The following C2CD2 variants were observed in gnomAD, a reference collection of about 807,000 sequenced individuals.
The protein encoded by C2CD2 is C2 calcium dependent domain containing 2.
In C2CD2, 43 loss-of-function variants were observed where a neutral mutation model predicts 74.3. The ratio of observed to expected loss-of-function variants is 0.58; its 90% CI spans 0.45 to 0.75. The LOEUF (loss-of-function observed/expected upper bound fraction) is 0.75, where lower values mean the gene tolerates loss of function less well. Ranked by LOEUF, C2CD2 falls within the 30% of genes least tolerant of loss-of-function variation. C2CD2 has a pLI of 0.00. For missense variants in C2CD2, 801 were observed against 916.3 expected (o/e 0.87, Z 1.63); for synonymous variants, 422 against 390.7 (o/e 1.08, Z -0.94).
chr21:41,907,313 C>T, intron 9 of C2CD2, 147 bp from the exon 10 acceptor site: 1 of 707,042 alleles, frequency 1.4e-6, no homozygotes, highest in Non-Finnish European at 2.4e-6. Context: ...CCTGGATATT[C>T]CCAGAATGGA....
In C2CD2 at chr21:41,892,342, C is replaced by A. The variant is rs2064764630; in HGVS notation, c.1871-2998G>T. On this transcript the variant is annotated intron_variant, in intron 13 of 13. Transcript: ENST00000380486. The surrounding 1 kb of genome is among the most constrained non-coding windows in gnomAD (Gnocchi z 4.6). ...CTCAGAAAGGGTGGCCCTGCTAGCA[C>A]CAGCAGCTCAGACTTCCAGCCTCCA... Among the ~76,000 whole-genome samples the A allele has an allele frequency of 6.6e-6, 1 of 152,134 alleles. No individual in the cohort carries two copies. Among genetic ancestry groups the A allele is most frequent in the South Asian group, 2.1e-4 (1 of 4,820 alleles).
intron 1 of C2CD2, among the ~76,000 whole-genome samples, chr21:41,943,938 C>G (rs555400102): frequency 6.6e-6 from 1 of 152,284 alleles, no homozygotes; most frequent in East Asian, 1.9e-4. Flanking sequence ...GACCTGCTGG[C>G]CAGGGCCACG....
intron 1 of C2CD2, chr21:41,952,853 GCCTCGGTA>G (rs1569086558): frequency 1.3e-5 from 2 of 152,676 alleles, no homozygotes; most frequent in African/African-American, 4.8e-5. Flanking sequence ...CGCACCGAAA[GCCTCGGTA>G]GGATGTCTGC....
chr21:41,905,315 T>C (rs960254464), intron 11 of C2CD2, among the ~76,000 whole-genome samples: 186 of 123,506 alleles, frequency 1.5e-3, no homozygotes, highest in South Asian at 0.012. Context: ...CAAAACTTTT[T>C]TTTTTTTTTT....
rs780405863 is a variant in C2CD2, at chr21:41,907,104, T to G, written c.1206A>C (p.Ala402=). The change falls in exon 10 of 14, where the codon GCA becomes GCC. Residue 402 remains alanine, a synonymous_variant. Coordinates refer to ENST00000380486, the MANE Select transcript of C2CD2 (RefSeq NM_015500.2). The stretch of plus-strand genomic sequence containing the variant: ...TCACCGTGCGGTCCTTTTCTATTTT[T>G]GCAGCAGGAACAGGGGGAGGGATGG... ...SWPIPPPVPA[A]KIEKDRTVMP... 5 of 1,614,092 alleles carry G rather than the reference T, an allele frequency of 3.1e-6. No individual in the cohort carries two copies. The Admixed American group carries it at 8.3e-5, about 27-fold the overall frequency.
At chr21:41,894,881 G>C in intron 13 of C2CD2, 1 of 456,760 alleles carries the variant, frequency 2.2e-6, no homozygotes, top group South Asian at 1.5e-5. Flanking sequence ...TCAAGGCTGA[G>C]ACAGGAGCAC....
chr21:41,905,952 G>A, intron 10 of C2CD2, 115 bp from the exon 11 acceptor site: 1 of 717,532 alleles, frequency 1.4e-6, no homozygotes, highest in East Asian at 2.6e-5. Context: ...GTTGGTAAAG[G>A]CAAAGCTTAA....
chr21:41,904,546 A>G (rs774052259), intron 11 of C2CD2, among the ~76,000 whole-genome samples: 4 of 152,184 alleles, frequency 2.6e-5, no homozygotes, highest in Non-Finnish European at 5.9e-5. Context: ...TGGGGTCTAG[A>G]TCAAGATCCT....
rs916788738 is a variant in C2CD2 at position 41,885,622 on chromosome 21, C to T, written c.*3502G>A. The T allele has an allele frequency of 6.6e-6, 1 of 152,636 alleles. No homozygotes were observed. The highest frequency in any genetic ancestry group is 2.1e-4 in the South Asian group (1 of 4,830). The allele number at this position is 152,636 out of a possible 1,614,324, so 9.5% of individuals were successfully genotyped here. On this transcript the variant is annotated 3_prime_UTR_variant, in exon 14 of 14. Coordinates refer to ENST00000380486, the MANE Select transcript of C2CD2 (RefSeq NM_015500.2). ...TACGCCAGCCCCGAGGTCTGTTTTC[C>T]GTCAGACAGAGATACGTGTCCTGCC...
At chr21:41,922,237 C>T (rs1300300773) in intron 2 of C2CD2, 152 bp from the exon 3 acceptor site, 11 of 584,562 alleles carry the variant, frequency 1.9e-5, no homozygotes, top group Non-Finnish European at 3.4e-5. Flanking sequence ...CAGCTCACTG[C>T]AACCTCCACC....
At chr21:41,938,147 G>C (rs1020731899) in intron 2 of C2CD2, among the ~76,000 whole-genome samples, 17 of 151,120 alleles carry the variant, frequency 1.1e-4, no homozygotes, top group Non-Finnish European at 1.6e-4. Context: ...CTGTATGTTA[G>C]ATTTAGCCAT....
At chr21:41,941,916 C>T (rs1383439465) in intron 2 of C2CD2, among the ~76,000 whole-genome samples, 4 of 152,150 alleles carry the variant, frequency 2.6e-5, no homozygotes, top group African/African-American at 7.2e-5. Flanking sequence ...AGGGTTCATC[C>T]GCACCGGAGC....
rs1045888273 is a variant in C2CD2 at position 41,923,329 on chromosome 21, T to C, written c.379-1244A>G. Among the ~76,000 whole-genome samples, 1 of 152,222 alleles carries C rather than the reference T, an allele frequency of 6.6e-6. No individual in the cohort carries two copies. Among genetic ancestry groups the C allele is most frequent in the Non-Finnish European group, 1.5e-5 (1 of 68,040 alleles). ...TTTCTTTAAATATCATCTTGTTCTATTTCTCCACAATAGCTGATTTTTAAT... is the reference window on the plus strand; with the variant it reads ...TTTCTTTAAATATCATCTTGTTCTACTTCTCCACAATAGCTGATTTTTAAT... On this transcript the variant is annotated intron_variant, in intron 2 of 13. Coordinates refer to ENST00000380486, the MANE Select transcript of C2CD2 (RefSeq NM_015500.2). This position sits in a 1 kb window ranked among gnomAD's most constrained non-coding sequence, Gnocchi z 5.8.
intron 5 of C2CD2, among the ~76,000 whole-genome samples, chr21:41,917,253 C>T (rs967768213): frequency 2.6e-5 from 4 of 152,216 alleles, no homozygotes; most frequent in Non-Finnish European, 5.9e-5. Flanking sequence ...TACCTACTGA[C>T]AGCTGGTGAC....
chr21:41,944,677 G>C (rs2065384618), intron 1 of C2CD2, among the ~76,000 whole-genome samples: 2 of 152,114 alleles, frequency 1.3e-5, no homozygotes, highest in African/African-American at 4.8e-5. Flanking sequence ...GTGCCTGCCT[G>C]CCACACACAA....
chr21:41,953,781 C>G lies in C2CD2; in HGVS notation c.-133G>C, dbSNP rs1173235505. Reference sequence around the variant, plus strand: ...GGGGCGCGGCGGGGTCGGAGCCCGGCGAGGAGCGTGGCCGGGGGCCTCTGG... The same window carrying G: ...GGGGCGCGGCGGGGTCGGAGCCCGGGGAGGAGCGTGGCCGGGGGCCTCTGG... On this transcript the variant is annotated 5_prime_UTR_variant, in exon 1 of 14. Coordinates refer to ENST00000380486, the MANE Select transcript of C2CD2 (RefSeq NM_015500.2). 2.4e-6 allele frequency: 2 copies of G among 846,446 alleles called. No individual in the cohort carries two copies. The highest frequency in any genetic ancestry group is 3.6e-5 in the African/African-American group (2 of 56,148). The allele number at this position is 846,446 out of a possible 1,614,324, so 52.4% of individuals were successfully genotyped here.
At chr21:41,917,987 A>G in intron 5 of C2CD2, 118 bp downstream of exon 5, 1 of 1,209,132 alleles carries the variant, frequency 8.3e-7, no homozygotes, top group Non-Finnish European at 1.2e-6. Flanking sequence ...CACCCGAGCC[A>G]TCTTGGCTCT....
chr21:41,886,757 G>A lies in C2CD2; in HGVS notation c.*2367C>T, dbSNP rs1436894775. On this transcript the variant is annotated 3_prime_UTR_variant, in exon 14 of 14. Coordinates refer to ENST00000380486, the MANE Select transcript of C2CD2 (RefSeq NM_015500.2). ...CCCAGCACGCTGGGAGGCCAAGGTG[G>A]GTGGATCACCTGAGGTCAGGAGTTC... 1 of 152,230 alleles carries A rather than the reference G, an allele frequency of 6.6e-6. No individual in the cohort carries two copies. Among genetic ancestry groups the A allele is most frequent in the East Asian group, 1.9e-4 (1 of 5,196 alleles). The allele number at this position is 152,230 out of a possible 1,614,324, so 9.4% of individuals were successfully genotyped here. A position where few individuals can be genotyped will look rare whatever the true frequency, so the allele number is the denominator to read the frequency against.
Position 41,923,120 on chromosome 21 carries a change from C to T in C2CD2, c.379-1035G>A, listed in dbSNP as rs1239566152. Among the ~76,000 whole-genome samples the T allele has an allele frequency of 3.9e-5, 6 of 152,058 alleles. No individual in the cohort carries two copies. Among genetic ancestry groups the T allele is most frequent in the Non-Finnish European group, 8.8e-5 (6 of 68,016 alleles). ...ACACGATTCTCCTGCCTCAAACTCC[C>T]GAGTGGCTGGGTTTACAGGCGTGTG... On this transcript the variant is annotated intron_variant, in intron 2 of 13. Transcript: ENST00000380486. The surrounding 1 kb of genome is among the most constrained non-coding windows in gnomAD (Gnocchi z 5.8).
Sources: gnomAD v4.1 joint callset for allele counts (sites outside exome capture counted in the v4.1 genomes callset) on GRCh38, gnomAD v4.1.1 for gene constraint, Gnocchi (gnomAD v3.1) non-coding constraint, MANE v1.5 for transcripts, NCBI Gene and HGNC (gene_info 2026-07-23, HGNC 2026-07-21) for gene names.